The following FAM13C variants were observed in gnomAD, a reference collection of about 807,000 sequenced individuals.
FAM13C encodes family with sequence similarity 13 member C, also known as protein FAM13C.
In FAM13C, 37 loss-of-function variants were observed where a neutral mutation model predicts 73.2. That is an observed-to-expected ratio of 0.51 (90% CI 0.39 to 0.67). The LOEUF (loss-of-function observed/expected upper bound fraction) is 0.67, where lower values mean the gene tolerates loss of function less well. FAM13C is among the 30% of genes least tolerant of loss of function. FAM13C has a pLI of 0.00. For missense variants in FAM13C, 589 were observed against 715.6 expected, an observed-to-expected ratio of 0.82 and a Z score of 2.02; for synonymous variants, 246 against 260.9, an observed-to-expected ratio of 0.94 and a Z score of 0.55.
chr10:59,285,110 G>T (rs1253801422), intron 5 of FAM13C, among the ~76,000 whole-genome samples: 1 of 152,216 alleles, frequency 6.6e-6, no homozygotes, highest in Admixed American at 6.5e-5. Flanking sequence ...AGGAGCAGGT[G>T]CCTAGGCAGG....
intron 3 of FAM13C, among the ~76,000 whole-genome samples, chr10:59,338,374 A>C (rs2134156361): frequency 6.6e-6 from 1 of 152,216 alleles, no homozygotes; most frequent in East Asian, 1.9e-4. Flanking sequence ...TGGCCTCTCA[A>C]GCAGAGTCAC....
chr10:59,333,166 T>G (rs1456205374), intron 3 of FAM13C, among the ~76,000 whole-genome samples: 1 of 152,106 alleles, frequency 6.6e-6, no homozygotes, highest in Non-Finnish European at 1.5e-5. Flanking sequence ...TAATATGAAT[T>G]AAGAAAATAT....
intron 2 of FAM13C, among the ~76,000 whole-genome samples, chr10:59,354,283 G>A (rs1268764349): frequency 1.3e-5 from 2 of 152,048 alleles, no homozygotes; most frequent in Non-Finnish European, 2.9e-5. Context: ...AGGGGAGAGG[G>A]GGCCAAAAGC....
intron 8 of FAM13C, among the ~76,000 whole-genome samples, chr10:59,264,529 T>C (rs1204144346): frequency 6.6e-6 from 1 of 152,158 alleles, no homozygotes; most frequent in Non-Finnish European, 1.5e-5. Context: ...ATATACCCCA[T>C]TGCCAGGCCA....
intron 3 of FAM13C, among the ~76,000 whole-genome samples, chr10:59,329,062 G>A (rs563702085): frequency 2.4e-4 from 37 of 152,178 alleles, no homozygotes; most frequent in Middle Eastern, 3.4e-3. Flanking sequence ...CATTCATGTC[G>A]TAACTAGGGT....
At chr10:59,338,897 G>C (rs1014731771) in intron 3 of FAM13C, among the ~76,000 whole-genome samples, 1 of 152,224 alleles carries the variant, frequency 6.6e-6, no homozygotes, top group Non-Finnish European at 1.5e-5. Context: ...TACAGTGACA[G>C]ATTACCATAA....
Position 59,250,633 on chromosome 10 carries a change from C to T in FAM13C, c.1634+942G>A, listed in dbSNP as rs577292650. Among the ~76,000 whole-genome samples, 344 of 152,266 alleles carry T rather than the reference C, an allele frequency of 2.3e-3. 3 individuals are homozygous for T. The highest frequency in any genetic ancestry group is 8.0e-3 in the African/African-American group (331 of 41,552). The stretch of plus-strand genomic sequence containing the variant: ...ATAGTCCCTTTCCATCAGGACAACC[C>T]TCAACCTGCTGAACTGAAAAGTCAA... On this transcript the variant is annotated intron_variant, in intron 13 of 13. Coordinates refer to ENST00000618804, the MANE Select transcript of FAM13C (RefSeq NM_198215.4).
At chr10:59,260,235 T>C (rs1303447004) in intron 10 of FAM13C, among the ~76,000 whole-genome samples, 1 of 152,214 alleles carries the variant, frequency 6.6e-6, no homozygotes, top group Non-Finnish European at 1.5e-5. Context: ...TCCCCTGTGA[T>C]GTATCCTCCA....
At chr10:59,348,193 G>A (rs900911710) in intron 3 of FAM13C, among the ~76,000 whole-genome samples, 6 of 152,108 alleles carry the variant, frequency 3.9e-5, no homozygotes, top group African/African-American at 1.4e-4. Context: ...TGCCCATAGG[G>A]CCTTTATAAG....
intron 5 of FAM13C, among the ~76,000 whole-genome samples, chr10:59,294,690 G>A (rs1846688593): frequency 6.6e-6 from 1 of 152,202 alleles, no homozygotes; most frequent in South Asian, 2.1e-4. Context: ...TCATTCAGCT[G>A]GGAATGAGAA....
intron 3 of FAM13C, among the ~76,000 whole-genome samples, chr10:59,324,330 T>C (rs550257148): frequency 1.3e-4 from 20 of 151,974 alleles, no homozygotes; most frequent in Non-Finnish European, 2.5e-4. Flanking sequence ...TAATAATAAA[T>C]CTTATGTCCA....
chr10:59,293,924 T>G (rs1369491235), intron 5 of FAM13C, among the ~76,000 whole-genome samples: 1 of 152,162 alleles, frequency 6.6e-6, no homozygotes, highest in African/African-American at 2.4e-5. Context: ...AAAAATTTGG[T>G]CTTCAGTTCA....
intron 5 of FAM13C, among the ~76,000 whole-genome samples, chr10:59,300,133 A>G (rs143493061): frequency 6.6e-6 from 1 of 152,326 alleles, no homozygotes; most frequent in Non-Finnish European, 1.5e-5. Context: ...TGCCAGGCAG[A>G]GAAGACCTCG....
intron 4 of FAM13C, among the ~76,000 whole-genome samples, chr10:59,318,126 C>G (rs1208517554): frequency 6.6e-6 from 1 of 151,846 alleles, no homozygotes; most frequent in African/African-American, 2.4e-5. Flanking sequence ...TCTATATTTT[C>G]CAGTGTTTCA....
intron 5 of FAM13C, among the ~76,000 whole-genome samples, chr10:59,284,023 G>T (rs1845244254): frequency 6.8e-6 from 1 of 146,030 alleles, no homozygotes; most frequent in South Asian, 2.3e-4. Flanking sequence ...ACATTGGTAT[G>T]CTGGGGTATG....
At chr10:59,264,819 C>T (rs1842858519) in intron 8 of FAM13C, among the ~76,000 whole-genome samples, 1 of 152,098 alleles carries the variant, frequency 6.6e-6, no homozygotes. Context: ...CCCCACAGAT[C>T]AGTAAAAACT....
chr10:59,324,041 C>G lies in FAM13C; in HGVS notation c.390G>C (p.Glu130Asp), dbSNP rs757664678. 3 of 1,614,094 alleles carry G rather than the reference C, an allele frequency of 1.9e-6. No homozygotes were observed. The highest frequency in any genetic ancestry group is 1.1e-5 in the South Asian group (1 of 91,074). ...CQVRAGTPAH[E>D]SPQNNAFKCQ... ...ACTTGAAGGCATTGTTTTGTGGACT[C>G]TCATGAGCTGGTGTTCCTGCTCTCA... The change falls in exon 4 of 14, where the codon GAG becomes GAC. Residue 130 changes from glutamate to aspartate, a missense_variant. Glu to Asp is a conservative substitution (Grantham distance 45, BLOSUM62 2). Transcript: ENST00000618804.
chr10:59,325,702 C>T (rs2134046948), intron 3 of FAM13C, among the ~76,000 whole-genome samples: 1 of 152,218 alleles, frequency 6.6e-6, no homozygotes, highest in Non-Finnish European at 1.5e-5. Context: ...ACCATCAATT[C>T]CACAAGTGCC....
In FAM13C at chr10:59,317,126, A is replaced by ATGTGTG. The variant is rs5785374; in HGVS notation, c.443+6856_443+6861dup. Among the ~76,000 whole-genome samples the ATGTGTG allele has an allele frequency of 0.012, 1,792 of 149,282 alleles. 59 individuals are homozygous for ATGTGTG. In the East Asian group the frequency reaches 0.14, roughly 12 times the overall value. On this transcript the variant is annotated intron_variant, in intron 4 of 13. Transcript: ENST00000618804. ...GTGTATGTGTATGTCACTATACATA[A>ATGTGTG]TGTGTGTGTGTGTGTGTGTGTGTGT...
Sources: allele counts gnomAD v4.1 joint callset (sites outside exome capture counted in the v4.1 genomes callset), GRCh38; gene constraint gnomAD v4.1.1; transcripts MANE v1.5; gene names NCBI Gene and HGNC (gene_info 2026-07-23, HGNC 2026-07-21).